Variants in CALD1 observed in about 807,000 individuals in gnomAD.
CALD1 encodes the protein caldesmon.
CALD1 carries 33 observed loss-of-function variants against 99.9 expected under a neutral mutation model. The ratio of observed to expected loss-of-function variants is 0.33; its 90% CI spans 0.25 to 0.44. CALD1 has a LOEUF of 0.44. Ranked by LOEUF, CALD1 falls within the 20% of genes least tolerant of loss-of-function variation. The pLI, the probability that CALD1 is intolerant of heterozygous loss-of-function variation, is 1.00. For missense variants in CALD1, 861 were observed against 962.1 expected, an observed-to-expected ratio of 0.89 and a Z score of 1.39; for synonymous variants, 310 against 325.0, an observed-to-expected ratio of 0.95 and a Z score of 0.50.
chr7:134,968,408 C>A lies in CALD1; in HGVS notation c.*63C>A, dbSNP rs974900136. The A allele has an allele frequency of 2.0e-6, 3 of 1,477,766 alleles. No homozygotes were observed. The highest frequency in any genetic ancestry group is 2.3e-5 in the East Asian group (1 of 44,240). The allele number at this position is 1,477,766 out of a possible 1,614,324, so 91.5% of individuals were successfully genotyped here. On this transcript the variant is annotated 3_prime_UTR_variant, in exon 15 of 15. Transcript: ENST00000361675. Reference sequence around the variant, plus strand: ...CGAGCTCAGTTGTAGAGGGCTAATTCGCTCTGTTTTGTATTTATGTTGATT... The same window carrying A: ...CGAGCTCAGTTGTAGAGGGCTAATTAGCTCTGTTTTGTATTTATGTTGATT...
At chr7:134,837,322 C>T (rs1330115265) in intron 1 of CALD1, among the ~76,000 whole-genome samples, 1 of 149,996 alleles carries the variant, frequency 6.7e-6, no homozygotes, top group Non-Finnish European at 1.5e-5. Context: ...CACTCAACAA[C>T]AGACTTTTTT....
At chr7:134,811,194 C>T (rs564946679) in intron 1 of CALD1, among the ~76,000 whole-genome samples, 2 of 152,314 alleles carry the variant, frequency 1.3e-5, no homozygotes, top group African/African-American at 4.8e-5. Flanking sequence ...AACACAGCAT[C>T]AAACACAAAG....
intron 3 of CALD1, among the ~76,000 whole-genome samples, chr7:134,917,185 C>A (rs149174949): frequency 6.6e-6 from 1 of 152,052 alleles, no homozygotes; most frequent in Non-Finnish European, 1.5e-5. Context: ...TTTTTTTAAA[C>A]GACTAAGCCC....
chr7:134,800,673 T>C (rs893675609), intron 1 of CALD1, among the ~76,000 whole-genome samples: 4 of 152,096 alleles, frequency 2.6e-5, no homozygotes, highest in African/African-American at 9.6e-5. Flanking sequence ...GAGATTTCTA[T>C]CATTTAATGT....
At chr7:134,834,176 T>C (rs1799339666) in intron 1 of CALD1, among the ~76,000 whole-genome samples, 1 of 152,204 alleles carries the variant, frequency 6.6e-6, no homozygotes, top group Admixed American at 6.5e-5. Flanking sequence ...GGAAGATCTA[T>C]TTTGATGTTC....
chr7:134,861,269 A>G (rs911818235), intron 2 of CALD1, among the ~76,000 whole-genome samples: 2 of 152,178 alleles, frequency 1.3e-5, no homozygotes, highest in Non-Finnish European at 2.9e-5. Context: ...CCAGGTCACT[A>G]TTTGCCAAGG....
intron 4 of CALD1, among the ~76,000 whole-genome samples, chr7:134,932,607 T>C (rs1282374504): frequency 1.3e-5 from 2 of 152,144 alleles, no homozygotes; most frequent in Non-Finnish European, 2.9e-5. Flanking sequence ...CCACTGTGGG[T>C]ATCTGGAGCT....
chr7:134,867,150 G>A (rs1250639881), intron 2 of CALD1: 1 of 152,228 alleles, frequency 6.6e-6, no homozygotes, highest in Non-Finnish European at 1.5e-5. Flanking sequence ...GCTTCATGAT[G>A]TTTATTCATG....
At chr7:134,832,389 T>A (rs540280294) in intron 1 of CALD1, among the ~76,000 whole-genome samples, 12 of 152,302 alleles carry the variant, frequency 7.9e-5, no homozygotes, top group Admixed American at 3.3e-4. Flanking sequence ...CCTCTCCTGC[T>A]CCCTGCTCAT....
At chr7:134,833,980 G>A (rs964437967) in intron 1 of CALD1, among the ~76,000 whole-genome samples, 2 of 152,196 alleles carry the variant, frequency 1.3e-5, no homozygotes, top group African/African-American at 4.8e-5. Flanking sequence ...TTCTTCCACG[G>A]AAGAAAGATG....
the CALD1 span, among the ~76,000 whole-genome samples, chr7:134,733,184 A>C: frequency 6.6e-6 from 1 of 152,222 alleles, no homozygotes; most frequent in Non-Finnish European, 1.5e-5. Context: ...TCTCTGAAGG[A>C]AGTGGCTTTG....
At chr7:134,831,549 G>T (rs1799222379) in intron 1 of CALD1, among the ~76,000 whole-genome samples, 1 of 152,108 alleles carries the variant, frequency 6.6e-6, no homozygotes, top group African/African-American at 2.4e-5. Context: ...TTGAACTCCT[G>T]ACCTCGTGAT....
At chr7:134,902,386 T>C (rs2132618214) in intron 3 of CALD1, among the ~76,000 whole-genome samples, 1 of 152,250 alleles carries the variant, frequency 6.6e-6, no homozygotes, top group East Asian at 1.9e-4. Context: ...GTATATATGT[T>C]CAAATGTCTG....
chr7:134,924,582 T>C (rs549186021), intron 3 of CALD1, among the ~76,000 whole-genome samples: 23 of 152,314 alleles, frequency 1.5e-4, no homozygotes, highest in Admixed American at 1.2e-3. Context: ...GATATGTTCT[T>C]GAACCAGCAA....
intron 1 of CALD1, among the ~76,000 whole-genome samples, chr7:134,787,680 A>G (rs1797359041): frequency 6.6e-6 from 1 of 152,208 alleles, no homozygotes; most frequent in African/African-American, 2.4e-5. Context: ...TTGCAGAAGG[A>G]CAGAAAATTT....
intron 3 of CALD1, among the ~76,000 whole-genome samples, chr7:134,904,096 GC>G (rs1803194772): frequency 6.6e-6 from 1 of 151,898 alleles, no homozygotes; most frequent in South Asian, 2.1e-4. Flanking sequence ...GGTGGTGCAT[GC>G]CTGTAATCCC....
Position 134,960,556 on chromosome 7 carries a change from G to T in CALD1, c.2223G>T (p.Gly741=). 6.2e-7 allele frequency: 1 copy of T among 1,612,636 alleles called. No individual in the cohort carries two copies. Among genetic ancestry groups the T allele is most frequent in the Middle Eastern group, 1.6e-4 (1 of 6,062 alleles). ...AGGAAACTGCTGGCTTGAAGGTAGG[G>T]GTTTCTAGCCGCATCAATGAATGGC... The part of the protein sequence containing the change: ...PNKETAGLKV[G]VSSRINEWLT... The change falls in exon 13 of 15, where the codon GGG becomes GGT. Residue 741 remains glycine, a synonymous_variant. Coordinates refer to ENST00000361675, the MANE Select transcript of CALD1 (RefSeq NM_033138.4).
intron 3 of CALD1, among the ~76,000 whole-genome samples, chr7:134,908,873 A>C (rs1731076087): frequency 6.6e-6 from 1 of 152,184 alleles, no homozygotes; most frequent in Non-Finnish European, 1.5e-5. Flanking sequence ...TGGTAGATTC[A>C]GTTCGGTTGT....
the CALD1 span, among the ~76,000 whole-genome samples, chr7:134,718,357 A>G: frequency 4.6e-5 from 7 of 152,278 alleles, no homozygotes; most frequent in Admixed American, 3.3e-4. Flanking sequence ...TCTCCATTTT[A>G]CAGACATGAC....
Sources: gnomAD v4.1 joint callset for allele counts (sites outside exome capture counted in the v4.1 genomes callset) on GRCh38, gnomAD v4.1.1 for gene constraint, MANE v1.5 for transcripts, NCBI Gene and HGNC (gene_info 2026-07-23, HGNC 2026-07-21) for gene names.